The following NAALADL2 variants were observed in gnomAD, a reference collection of about 807,000 sequenced individuals.
NAALADL2 encodes the protein inactive N-acetylated-alpha-linked acidic dipeptidase-like protein 2.
NAALADL2 carries 76 observed loss-of-function variants against 87.2 expected under a neutral mutation model. The ratio of observed to expected loss-of-function variants is 0.87; its 90% CI spans 0.72 to 1.05. The LOEUF is 1.05. NAALADL2 is among the 50% of genes least tolerant of loss of function. NAALADL2 has a pLI of 0.00. For synonymous variants in NAALADL2, 354 were observed against 331.0 expected (o/e 1.07, Z -0.75); for missense variants, 1,089 against 945.8 (o/e 1.15, Z -1.99).
At chr3:174,818,135 C>T (rs2109320248) in intron 3 of NAALADL2, among the ~76,000 whole-genome samples, 1 of 152,170 alleles carries the variant, frequency 6.6e-6, no homozygotes, top group South Asian at 2.1e-4. Flanking sequence ...GCATCTTTAC[C>T]CCGTTGTGTC....
chr3:174,652,513 A>G (rs1212392434), intron 2 of NAALADL2, among the ~76,000 whole-genome samples: 1 of 152,182 alleles, frequency 6.6e-6, no homozygotes, highest in Non-Finnish European at 1.5e-5. Context: ...CTTACATGGC[A>G]GCAGGCAAGA....
chr3:175,751,067 GTATTA>G (rs1325141556), intron 12 of NAALADL2, among the ~76,000 whole-genome samples: 8 of 152,006 alleles, frequency 5.3e-5, no homozygotes, highest in South Asian at 2.1e-4. Context: ...CAACTATATT[GTATTA>G]TATTAAGCTT....
intron 3 of NAALADL2, among the ~76,000 whole-genome samples, chr3:174,851,013 A>G (rs1725177403): frequency 2.0e-5 from 3 of 152,146 alleles, no homozygotes; most frequent in Admixed American, 2.0e-4. Context: ...CTGAATGACC[A>G]CTGGGTCATT....
intron 1 of NAALADL2, among the ~76,000 whole-genome samples, chr3:174,925,755 T>A (rs112379212): frequency 0.036 from 5,554 of 152,192 alleles, 335 homozygotes; most frequent in African/African-American, 0.12. Context: ...TTCATTGAGC[T>A]GTGGTTTGTA....
intron 9 of NAALADL2, among the ~76,000 whole-genome samples, chr3:175,524,374 T>G (rs1350294498): frequency 6.6e-6 from 1 of 152,212 alleles, no homozygotes; most frequent in Non-Finnish European, 1.5e-5. Context: ...GATCTTATTC[T>G]GGCTTTAATT....
At chr3:174,670,227 T>C (rs1726400619) in intron 2 of NAALADL2, among the ~76,000 whole-genome samples, 1 of 21,708 alleles carries the variant, frequency 4.6e-5, no homozygotes, top group South Asian at 6.4e-4. Flanking sequence ...GTACCTTTTA[T>C]TTCTTTTTTT....
rs189625459 is a variant in NAALADL2, at chr3:174,697,463, C to T, written c.-114-40178C>T. On this transcript the variant is annotated intron_variant, in intron 2 of 3. Transcript: ENST00000434257. ...AGCCTTCCAGTAAGTCACATTAGTTCAGCTTCCTGAAAGGTTGAAGGATGC... is the reference window on the plus strand; with the variant it reads ...AGCCTTCCAGTAAGTCACATTAGTTTAGCTTCCTGAAAGGTTGAAGGATGC... Among the ~76,000 whole-genome samples, 119 of 152,238 alleles carry T rather than the reference C, an allele frequency of 7.8e-4. 1 individual carries two copies. The highest frequency in any genetic ancestry group is 3.1e-3 in the South Asian group (15 of 4,822).
At chr3:175,080,222 C>T (rs926671725) in intron 1 of NAALADL2, among the ~76,000 whole-genome samples, 2 of 152,158 alleles carry the variant, frequency 1.3e-5, no homozygotes, top group African/African-American at 2.4e-5. Context: ...ACCTCGGCCT[C>T]CCAAATGCTG....
At chr3:175,590,677 A>G (rs6769046) in intron 10 of NAALADL2, among the ~76,000 whole-genome samples, 134,604 of 152,100 alleles carry the variant, frequency 0.88, 59,848 homozygotes, top group Admixed American at 0.94. Flanking sequence ...GTTGACAGGT[A>G]TCAGGGACTG....
At chr3:175,345,747 G>C (rs1763088417) in intron 5 of NAALADL2, among the ~76,000 whole-genome samples, 1 of 152,096 alleles carries the variant, frequency 6.6e-6, no homozygotes, top group Admixed American at 6.6e-5. Flanking sequence ...AGCATGGAAT[G>C]GAGCCCGCAA....
intron 2 of NAALADL2, among the ~76,000 whole-genome samples, chr3:174,629,947 G>A (rs1037814645): frequency 2.0e-5 from 3 of 152,154 alleles, no homozygotes; most frequent in Non-Finnish European, 2.9e-5. Flanking sequence ...TTAGCGTAAT[G>A]TTGTGCATAA....
At chr3:175,359,879 C>G (rs183640427) in intron 5 of NAALADL2, among the ~76,000 whole-genome samples, 10 of 152,186 alleles carry the variant, frequency 6.6e-5, no homozygotes, top group African/African-American at 1.9e-4. Context: ...GAAGAGCAAG[C>G]AATTTGTTGC....
At chr3:175,561,625 T>G (rs1355462653) in intron 9 of NAALADL2, among the ~76,000 whole-genome samples, 2 of 152,208 alleles carry the variant, frequency 1.3e-5, no homozygotes, top group African/African-American at 4.8e-5. Flanking sequence ...TATAGAAGTA[T>G]GTATATAGAA....
chr3:174,636,318 C>G (rs1722643448), intron 2 of NAALADL2, among the ~76,000 whole-genome samples: 1 of 151,918 alleles, frequency 6.6e-6, no homozygotes, highest in Non-Finnish European at 1.5e-5. Flanking sequence ...GTACAGGCAA[C>G]AAAAAGAAAA....
chr3:175,593,228 A>G (rs183984945), intron 10 of NAALADL2, among the ~76,000 whole-genome samples: 1 of 152,218 alleles, frequency 6.6e-6, no homozygotes, highest in African/African-American at 2.4e-5. Flanking sequence ...TTCTCATTGA[A>G]CAATTCTTAA....
chr3:174,537,784 A>T (rs1437826661), intron 1 of NAALADL2, among the ~76,000 whole-genome samples: 1 of 152,190 alleles, frequency 6.6e-6, no homozygotes, highest in Admixed American at 6.5e-5. Flanking sequence ...AGATATAATC[A>T]TGTACAGTGG....
chr3:174,871,629 T>C lies in NAALADL2; in HGVS notation c.43+12179T>C, dbSNP rs146893654. Among the ~76,000 whole-genome samples, 1,400 of 152,324 alleles carry C rather than the reference T, an allele frequency of 9.2e-3. 25 individuals carry two copies. Among genetic ancestry groups the C allele is most frequent in the African/African-American group, 0.032 (1,344 of 41,560 alleles). On this transcript the variant is annotated intron_variant, in intron 1 of 13. Coordinates refer to ENST00000454872, the MANE Select transcript of NAALADL2 (RefSeq NM_207015.3). ...AATATACTAACTTGGCCGGGCACAG[T>C]GGCTCACAGCTGTAATCCCAACACT...
At chr3:175,590,791 A>C (rs1288634255) in intron 10 of NAALADL2, among the ~76,000 whole-genome samples, 1 of 152,188 alleles carries the variant, frequency 6.6e-6, no homozygotes, top group Non-Finnish European at 1.5e-5. Context: ...GGGAGAGAGG[A>C]TACAATGAAA....
intron 3 of NAALADL2, among the ~76,000 whole-genome samples, chr3:174,823,398 C>G (rs1721636905): frequency 6.6e-6 from 1 of 152,116 alleles, no homozygotes; most frequent in South Asian, 2.1e-4. Context: ...ATATTTCTTG[C>G]TGGAGCATGA....
Sources: allele counts gnomAD v4.1 joint callset (sites outside exome capture counted in the v4.1 genomes callset), GRCh38; gene constraint gnomAD v4.1.1; transcripts MANE v1.5; gene names NCBI Gene and HGNC (gene_info 2026-07-23, HGNC 2026-07-21).